The following CNTN5 variants were observed in gnomAD, a reference collection of about 807,000 sequenced individuals.
The protein encoded by CNTN5 is contactin-5.
In CNTN5, 77 loss-of-function variants were observed where a neutral mutation model predicts 129.1. The ratio of observed to expected loss-of-function variants is 0.60; its 90% CI spans 0.50 to 0.72. The LOEUF (loss-of-function observed/expected upper bound fraction) is 0.72, where lower values mean the gene tolerates loss of function less well. Ranked by LOEUF, CNTN5 falls within the 30% of genes least tolerant of loss-of-function variation. The pLI is 0.00. For synonymous variants in CNTN5, 509 were observed against 465.6 expected (o/e 1.09, Z -1.20); for missense variants, 1,478 against 1,328.8 (o/e 1.11, Z -1.75).
intron 4 of CNTN5, among the ~76,000 whole-genome samples, chr11:99,842,292 G>A (rs948691976): frequency 7.2e-5 from 11 of 152,064 alleles, no homozygotes; most frequent in African/African-American, 1.2e-4. Flanking sequence ...TGAGTGTTTC[G>A]TGATATTATG....
chr11:99,831,373 A>G (rs1402114578), intron 4 of CNTN5, among the ~76,000 whole-genome samples: 1 of 152,154 alleles, frequency 6.6e-6, no homozygotes, highest in Admixed American at 6.6e-5. Flanking sequence ...AATATAGAGA[A>G]TGAGGCAAAA....
At chr11:99,658,726 T>C (rs1453540648) in intron 3 of CNTN5, among the ~76,000 whole-genome samples, 1 of 144,762 alleles carries the variant, frequency 6.9e-6, no homozygotes, top group South Asian at 2.2e-4. Context: ...AAAATATATA[T>C]ATATATATAA....
Position 99,980,539 on chromosome 11 carries a change from A to G in CNTN5, c.878-21495A>G, listed in dbSNP as rs573259839. On this transcript the variant is annotated intron_variant, in intron 8 of 24. Transcript: ENST00000524871. The stretch of plus-strand genomic sequence containing the variant: ...CATTTGATCGCGCACAAACAGAACT[A>G]GGACGATTTGCAAAGGAGGGTCCCT... 1.9e-3 allele frequency among the ~76,000 whole-genome samples: 283 copies of G among 152,316 alleles called. 2 individuals carry two copies. Among genetic ancestry groups the G allele is most frequent in the African/African-American group, 6.5e-3 (270 of 41,574 alleles).
At chr11:99,896,028 G>A (rs1949196820) in intron 6 of CNTN5, among the ~76,000 whole-genome samples, 1 of 152,172 alleles carries the variant, frequency 6.6e-6, no homozygotes, top group South Asian at 2.1e-4. Flanking sequence ...GAACACTGCA[G>A]TCATGGCTCT....
chr11:100,273,090 C>T (rs1255275126), intron 18 of CNTN5, among the ~76,000 whole-genome samples: 7 of 152,262 alleles, frequency 4.6e-5, no homozygotes, highest in Non-Finnish European at 2.9e-5. Context: ...ACCTAAGCAA[C>T]ACCTTAGTCT....
At position 100,128,282 on chromosome 11, in the gene CNTN5, T is replaced by TTAA. The variant is rs1201509035; in HGVS notation, c.1580+53989_1580+53991dup. 3.3e-5 allele frequency among the ~76,000 whole-genome samples: 5 copies of TTAA among 152,244 alleles called. No individual in the cohort carries two copies. The East Asian group carries it at 9.7e-4, about 30-fold the overall frequency. The stretch of plus-strand genomic sequence containing the variant: ...ACAGAAGCACTATGTGTTCATGTGC[T>TTAA]TAAGCCAGAGATTTAACAGTCATCT... On this transcript the variant is annotated intron_variant, in intron 13 of 24. Transcript: ENST00000524871.
chr11:99,463,034 G>T (rs7115668), intron 2 of CNTN5, among the ~76,000 whole-genome samples: 3 of 151,740 alleles, frequency 2.0e-5, no homozygotes, highest in African/African-American at 7.3e-5. Flanking sequence ...CTTGAACACA[G>T]GAGGCGGAGG....
chr11:99,484,538 CA>C (rs1298186082), intron 2 of CNTN5, among the ~76,000 whole-genome samples: 1 of 151,896 alleles, frequency 6.6e-6, no homozygotes, highest in African/African-American at 2.4e-5. Flanking sequence ...GGTATTTATT[CA>C]AAGGAAAGTA....
chr11:99,858,873 A>G (rs1458159227), intron 6 of CNTN5, among the ~76,000 whole-genome samples: 1 of 152,066 alleles, frequency 6.6e-6, no homozygotes, highest in Admixed American at 6.6e-5. Context: ...GATAAGATTT[A>G]TTGAGTGATT....
chr11:99,760,647 A>G (rs1944547784), intron 3 of CNTN5, among the ~76,000 whole-genome samples: 4 of 152,134 alleles, frequency 2.6e-5, no homozygotes, highest in Admixed American at 2.6e-4. Flanking sequence ...TAAAATTCCA[A>G]TTTATATGCA....
intron 20 of CNTN5, among the ~76,000 whole-genome samples, chr11:100,306,736 AAGAT>A (rs1208539356): frequency 2.0e-5 from 3 of 151,836 alleles, no homozygotes; most frequent in South Asian, 2.1e-4. Flanking sequence ...ATTCTAGAAT[AAGAT>A]AGAAGATTTT....
At chr11:99,767,577 A>T (rs550768049) in intron 3 of CNTN5, among the ~76,000 whole-genome samples, 1 of 151,194 alleles carries the variant, frequency 6.6e-6, no homozygotes. Context: ...ATTTTTTTGG[A>T]AAAGCTTCTT....
At chr11:99,818,302 C>G (rs1040204862) in intron 3 of CNTN5, among the ~76,000 whole-genome samples, 8 of 150,898 alleles carry the variant, frequency 5.3e-5, no homozygotes, top group Non-Finnish European at 7.4e-5. Context: ...TGTTGCCAGT[C>G]TGGAGTACAG....
chr11:100,162,352 A>AAACAGAACTAAC (rs1305390408), intron 13 of CNTN5, among the ~76,000 whole-genome samples: 1 of 151,940 alleles, frequency 6.6e-6, no homozygotes, highest in African/African-American at 2.4e-5. Context: ...TCTATTCACT[A>AAACAGAACTAAC]AACAGAACTA....
intron 2 of CNTN5, among the ~76,000 whole-genome samples, chr11:99,358,295 C>T (rs1453444493): frequency 1.4e-4 from 14 of 100,448 alleles, no homozygotes; most frequent in African/African-American, 1.9e-4. Flanking sequence ...GGGGTTTCAC[C>T]GTGTTAGCCA....
At chr11:99,278,414 C>T (rs1367513336) in intron 1 of CNTN5, among the ~76,000 whole-genome samples, 1 of 151,432 alleles carries the variant, frequency 6.6e-6, no homozygotes, top group Non-Finnish European at 1.5e-5. Context: ...CTCACTGAAG[C>T]ACATTTCCTA....
chr11:99,516,403 A>G lies in CNTN5; in HGVS notation c.-70-39742A>G, dbSNP rs1008379663. Among the ~76,000 whole-genome samples the G allele has an allele frequency of 5.9e-5, 9 of 152,176 alleles. 1 individual carries two copies. The highest frequency in any genetic ancestry group is 5.2e-4 in the Admixed American group (8 of 15,250). On this transcript the variant is annotated intron_variant, in intron 2 of 24. Coordinates refer to ENST00000524871, the MANE Select transcript of CNTN5 (RefSeq NM_014361.4). ...TCTGGTAAGAGAAAACGAACTCCAT[A>G]TAGACTAGAATTAGTCTCTGTGGAA... is the stretch of plus-strand genomic sequence containing the variant.
chr11:99,313,944 T>A (rs965441200), intron 1 of CNTN5, among the ~76,000 whole-genome samples: 2 of 151,942 alleles, frequency 1.3e-5, no homozygotes, highest in Non-Finnish European at 1.5e-5. Flanking sequence ...TATCCTAGGC[T>A]ACAAATGAAG....
At chr11:99,236,780 T>C (rs1317010855) in intron 1 of CNTN5, among the ~76,000 whole-genome samples, 2 of 152,140 alleles carry the variant, frequency 1.3e-5, no homozygotes, top group African/African-American at 4.8e-5. Flanking sequence ...TATAAGTATT[T>C]TCTTAACAGT....
Sources: gnomAD v4.1 joint callset for allele counts (sites outside exome capture counted in the v4.1 genomes callset) on GRCh38, gnomAD v4.1.1 for gene constraint, MANE v1.5 for transcripts, NCBI Gene and HGNC (gene_info 2026-07-23, HGNC 2026-07-21) for gene names.